ZFHX3: variants seen among roughly 807,000 people sequenced by gnomAD.
The protein encoded by ZFHX3 is zinc finger homeobox 3.
In ZFHX3, 42 loss-of-function variants were observed where a neutral mutation model predicts 279.1. That is an observed-to-expected ratio of 0.15 (90% CI 0.12 to 0.19). The LOEUF (loss-of-function observed/expected upper bound fraction) is 0.19, where lower values mean the gene tolerates loss of function less well. ZFHX3 is among the 10% of genes least tolerant of loss of function. The probability of loss-of-function intolerance (pLI) is 1.00; values close to 1 mark genes in which losing one functional copy is unlikely to be tolerated. For missense variants in ZFHX3, 4,981 were observed against 4,754.0 expected (o/e 1.05, Z -1.40); for synonymous variants, 2,293 against 1,957.8 (o/e 1.17, Z -4.52).
chr16:73,610,008 TG>T (rs1311953428), intron 2 of ZFHX3: 3 of 152,208 alleles, frequency 2.0e-5, no homozygotes, highest in Admixed American at 6.5e-5. Context: ...TGGCTGTTAC[TG>T]ATTCTGTGTA....
intron 1 of ZFHX3, among the ~76,000 whole-genome samples, chr16:72,979,124 A>G (rs1490660668): frequency 6.6e-6 from 1 of 152,104 alleles, no homozygotes; most frequent in Non-Finnish European, 1.5e-5. Flanking sequence ...CGTGGAGCAC[A>G]TGTGATGGGC....
upstream of ZFHX3, among the ~76,000 whole-genome samples, chr16:73,048,781 G>T (rs868787090): frequency 6.6e-6 from 1 of 152,224 alleles, no homozygotes; most frequent in Non-Finnish European, 1.5e-5. Flanking sequence ...TTCAGTTGCA[G>T]AAACTTATAA....
intron 2 of ZFHX3, among the ~76,000 whole-genome samples, chr16:73,536,639 T>C (rs2019906435): frequency 6.6e-6 from 1 of 152,230 alleles, no homozygotes; most frequent in Middle Eastern, 3.2e-3. Flanking sequence ...GCAATGTTGC[T>C]GTGTGTGCCA....
chr16:73,693,941 G>A (rs2053171970), intron 1 of ZFHX3, among the ~76,000 whole-genome samples: 2 of 151,504 alleles, frequency 1.3e-5, no homozygotes, highest in African/African-American at 4.9e-5. Flanking sequence ...TCTCAAGCCT[G>A]TCAGTTTTAT....
rs1798391798 is a variant in ZFHX3 at position 72,865,917 on chromosome 16, A to C, written c.3448+23814T>G. On this transcript the variant is annotated intron_variant, in intron 4 of 9. Coordinates refer to ENST00000268489, the MANE Select transcript of ZFHX3 (RefSeq NM_006885.4). ...CACAATGGAGGAAACGCCATGCTGA[A>C]GATTCCACATGCCACCGGGACAGCC... 3.3e-5 allele frequency among the ~76,000 whole-genome samples: 5 copies of C among 152,334 alleles called. No homozygotes were observed. In the South Asian group the frequency reaches 1.0e-3, roughly 32 times the overall value.
At chr16:73,115,522 C>G (rs1313263480) in intron 7 of ZFHX3, among the ~76,000 whole-genome samples, 1 of 152,054 alleles carries the variant, frequency 6.6e-6, no homozygotes, top group African/African-American at 2.4e-5. Context: ...TGCACTCCAG[C>G]CAGGGTGACA....
At chr16:73,456,041 G>T (rs913064847) in exon 3 of ZFHX3, 4 of 152,118 alleles carry the variant, frequency 2.6e-5, no homozygotes, top group African/African-American at 9.7e-5. Context: ...CAGTCCTGGA[G>T]ACCATATGTG....
chr16:73,713,322 C>T lies in ZFHX3; in HGVS notation c.-1607-33082G>A, dbSNP rs1158612068. ...TTTAATTATGCCTTTTTATTTTTCT[C>T]CATTAGCAAGTCCTACCAGCACAAA... is the stretch of plus-strand genomic sequence containing the variant. On this transcript the variant is annotated intron_variant, in intron 1 of 17. Coordinates refer to the ZFHX3 transcript ENST00000641206. Among the ~76,000 whole-genome samples, 3 of 152,142 alleles carry T rather than the reference C, an allele frequency of 2.0e-5. No homozygotes were observed. The South Asian group carries it at 6.2e-4, about 32-fold the overall frequency.
intron 1 of ZFHX3, among the ~76,000 whole-genome samples, chr16:73,831,707 C>A (rs1961001873): frequency 6.6e-6 from 1 of 152,176 alleles, no homozygotes; most frequent in African/African-American, 2.4e-5. Flanking sequence ...ATTTTCAACT[C>A]ATTGGTCCTT....
chr16:73,275,086 T>C (rs1488054738), intron 4 of ZFHX3, among the ~76,000 whole-genome samples: 2 of 152,234 alleles, frequency 1.3e-5, no homozygotes, highest in Non-Finnish European at 2.9e-5. Flanking sequence ...ATTTAGTCTA[T>C]ATCACTGTGC....
intron 7 of ZFHX3, among the ~76,000 whole-genome samples, chr16:73,126,306 A>G (rs1442221971): frequency 6.6e-6 from 1 of 152,144 alleles, no homozygotes; most frequent in African/African-American, 2.4e-5. Context: ...AATCAGCGAG[A>G]GGATACTGCA....
intron 4 of ZFHX3, among the ~76,000 whole-genome samples, chr16:73,262,537 G>A (rs1005884040): frequency 3.9e-5 from 6 of 152,016 alleles, no homozygotes; most frequent in Admixed American, 2.0e-4. Context: ...GATCTAATAT[G>A]TGTCTCTTAT....
chr16:73,112,812 C>T (rs974665487), intron 7 of ZFHX3, among the ~76,000 whole-genome samples: 6 of 151,662 alleles, frequency 4.0e-5, no homozygotes, highest in Admixed American at 3.3e-4. Flanking sequence ...CAGCCCAGAC[C>T]CCACCCACAT....
intron 1 of ZFHX3, among the ~76,000 whole-genome samples, chr16:73,854,243 C>G (rs1346210081): frequency 6.6e-6 from 1 of 152,080 alleles, no homozygotes; most frequent in Admixed American, 6.5e-5. Flanking sequence ...TAGTACACAT[C>G]GGCTGGGCAC....
intron 2 of ZFHX3, among the ~76,000 whole-genome samples, chr16:73,611,748 T>G (rs1476234520): frequency 3.9e-5 from 6 of 152,234 alleles, no homozygotes; most frequent in Non-Finnish European, 7.3e-5. Flanking sequence ...TTTTTTGTTC[T>G]TTAACACTTA....
chr16:73,304,094 G>A (rs1376257004), intron 4 of ZFHX3, among the ~76,000 whole-genome samples: 1 of 151,876 alleles, frequency 6.6e-6, no homozygotes, highest in Non-Finnish European at 1.5e-5. Context: ...GGAATTCAGT[G>A]CCCTTCTCTG....
intron 2 of ZFHX3, among the ~76,000 whole-genome samples, chr16:73,635,706 A>G (rs2052521729): frequency 2.0e-5 from 3 of 152,070 alleles, no homozygotes; most frequent in Non-Finnish European, 4.4e-5. Context: ...TCTCCTGCTG[A>G]CCACTGGCGA....
intron 1 of ZFHX3, among the ~76,000 whole-genome samples, chr16:73,697,256 G>C (rs1157899544): frequency 6.6e-6 from 1 of 150,514 alleles, no homozygotes; most frequent in Admixed American, 6.6e-5. Context: ...AATCTGGAAA[G>C]TAGAGATCAT....
intron 5 of ZFHX3, among the ~76,000 whole-genome samples, chr16:73,195,504 C>T (rs1281908603): frequency 2.6e-5 from 4 of 151,014 alleles, no homozygotes; most frequent in East Asian, 1.9e-4. Flanking sequence ...CTACAACCTC[C>T]GCCACCTGGG....
Sources: gnomAD v4.1 joint callset for allele counts (sites outside exome capture counted in the v4.1 genomes callset) on GRCh38, gnomAD v4.1.1 for gene constraint, MANE v1.5 for transcripts, NCBI Gene and HGNC (gene_info 2026-07-23, HGNC 2026-07-21) for gene names.